The following HAUS6 variants were observed in gnomAD, a reference collection of about 807,000 sequenced individuals.
HAUS6 encodes HAUS augmin-like complex subunit 6.
Under a neutral mutation model 106.8 loss-of-function variants are expected in HAUS6, and 80 were observed. The ratio of observed to expected loss-of-function variants is 0.75; its 90% CI spans 0.63 to 0.90. The LOEUF (loss-of-function observed/expected upper bound fraction) is 0.90, where lower values mean the gene tolerates loss of function less well. Ranked by LOEUF, HAUS6 falls within the 40% of genes least tolerant of loss-of-function variation. The pLI is 0.00. For missense variants in HAUS6, 1,155 were observed against 1,118.1 expected (o/e 1.03, Z -0.47); for synonymous variants, 356 against 379.1 (o/e 0.94, Z 0.71).
rs1836459615 is a variant in HAUS6 at position 19,056,009 on chromosome 9, T to C, written c.*334A>G. ...AAAAACTATCCTTATATTAATTGAC[T>C]GAAGTTATAACATAAGAAATAAGTT... On this transcript the variant is annotated 3_prime_UTR_variant, in exon 17 of 17. Transcript: ENST00000380502. 4.4e-6 allele frequency: 1 copy of C among 225,466 alleles called. No individual in the cohort carries two copies. The highest frequency in any genetic ancestry group is 8.6e-6 in the Non-Finnish European group (1 of 115,802). The allele number at this position is 225,466 out of a possible 1,614,324, so 14.0% of individuals were successfully genotyped here. A position where few individuals can be genotyped will look rare whatever the true frequency, so the allele number is the denominator to read the frequency against.
At chr9:19,084,476 TATAC>T (rs1837240547) in intron 7 of HAUS6, among the ~76,000 whole-genome samples, 1 of 152,200 alleles carries the variant, frequency 6.6e-6, no homozygotes, top group Non-Finnish European at 1.5e-5. Context: ...TGTCAAGCTA[TATAC>T]TTATGAGTTA....
chr9:19,099,124 T>C (rs1384091845), intron 1 of HAUS6, among the ~76,000 whole-genome samples: 4 of 149,348 alleles, frequency 2.7e-5, no homozygotes, highest in African/African-American at 4.9e-5. Context: ...ACGTATAAAA[T>C]GTAAGTGAAT....
Position 19,058,123 on chromosome 9 carries a change from A to C in HAUS6, c.2644T>G (p.Leu882Val). 1 of 1,614,106 alleles carries C rather than the reference A, an allele frequency of 6.2e-7. No homozygotes were observed. The highest frequency in any genetic ancestry group is 1.3e-5 in the African/African-American group (1 of 75,044). ...NVQTDDTLNF[L>V]DTCDLHTEHI... ...TCAGTATGCAAATCACAGGTGTCCA[A>C]AAAGTTAAGCGTATCATCTGTTTGT... Residue 882 changes from leucine to valine, a missense_variant, in exon 16 of 17, where the codon TTG becomes GTG. By Grantham distance (32) the Leu-to-Val change is conservative. Around this residue, in one of 3 missense-constraint regions of HAUS6, gnomAD observed 380 missense variants for 394.8 expected, o/e 0.96. Transcript: ENST00000380502.
intron 10 of HAUS6, among the ~76,000 whole-genome samples, chr9:19,077,674 T>C (rs1215485212): frequency 5.3e-5 from 8 of 152,192 alleles, no homozygotes; most frequent in Admixed American, 5.2e-4. Flanking sequence ...ATAGAAACTT[T>C]AGACTCAAAT....
chr9:19,067,346 G>C (rs1481128323), intron 12 of HAUS6, among the ~76,000 whole-genome samples: 1 of 152,160 alleles, frequency 6.6e-6, no homozygotes, highest in Non-Finnish European at 1.5e-5. Context: ...GAAGAATTCT[G>C]AGCAGACTAC....
At chr9:19,065,876 G>C (rs1020072986) in intron 12 of HAUS6, among the ~76,000 whole-genome samples, 1 of 151,582 alleles carries the variant, frequency 6.6e-6, no homozygotes, top group African/African-American at 2.4e-5. Flanking sequence ...TTGTACTTTA[G>C]AATTCTGCAT....
At chr9:19,069,150 G>A (rs753326838) in intron 12 of HAUS6, among the ~76,000 whole-genome samples, 41 of 152,150 alleles carry the variant, frequency 2.7e-4, no homozygotes, top group Non-Finnish European at 4.7e-4. Flanking sequence ...ACTATAGGAT[G>A]TAGTCTGAAA....
intron 7 of HAUS6, among the ~76,000 whole-genome samples, chr9:19,084,635 CTTTTTTTTTTTTTTT>C (rs1837244618): frequency 7.2e-6 from 1 of 138,834 alleles, no homozygotes; most frequent in Admixed American, 7.2e-5. Context: ...TTTCTTTTTT[CTTTTTTTTTTTTTTT>C]GAAACAAGGT....
chr9:19,080,926 G>T (rs543770532), intron 8 of HAUS6, among the ~76,000 whole-genome samples: 12 of 152,134 alleles, frequency 7.9e-5, no homozygotes, highest in Non-Finnish European at 1.0e-4. Flanking sequence ...TACAAAATTA[G>T]CTGGGCGTGG....
At chr9:19,089,589 A>G (rs751226480) in intron 4 of HAUS6, 30 bp from the exon 5 acceptor site, 1 of 1,573,680 alleles carries the variant, frequency 6.4e-7, no homozygotes, top group Non-Finnish European at 8.7e-7. Flanking sequence ...GATTATAGAA[A>G]ACAGGCTGGT....
chr9:19,078,702 C>A (rs932431290), intron 9 of HAUS6, among the ~76,000 whole-genome samples: 3 of 151,800 alleles, frequency 2.0e-5, no homozygotes, highest in Admixed American at 2.0e-4. Context: ...GTAGGAGAAT[C>A]GCTTGAACCC....
chr9:19,086,337 G>T (rs1353353990), intron 7 of HAUS6, among the ~76,000 whole-genome samples: 2 of 150,654 alleles, frequency 1.3e-5, no homozygotes, highest in East Asian at 3.9e-4. Context: ...AAGGGGAAGG[G>T]AGGCTGGGCG....
rs765099690 is a variant in HAUS6, at chr9:19,063,569, A to G, written c.1388T>C (p.Phe463Ser). 1.2e-5 allele frequency: 19 copies of G among 1,605,294 alleles called. No individual in the cohort carries two copies. Among genetic ancestry groups the G allele is most frequent in the Non-Finnish European group, 1.6e-5 (19 of 1,172,052 alleles). Residue 463 changes from phenylalanine (F) to serine (S), a missense_variant, in exon 13 of 17, where the codon TTC (phenylalanine) becomes TCC (serine). Transcript: ENST00000380502. ...TGATGATGAAACTGACTGCGACAAG[A>G]AAGAGGCAGGGCTAAAAGGAAAAAA... ...LHDLANSPAS[F>S]LSQSVSSSDR...
rs760420158 is a variant in HAUS6 at position 19,080,510 on chromosome 9, T to C, written c.1033A>G (p.Lys345Glu). Reference protein sequence around the residue: ...HYLEKETKFQKERLSDLKHMR... With the variant: ...HYLEKETKFQEERLSDLKHMR... The stretch of plus-strand genomic sequence containing the variant: ...TGTTTCAGATCTGATAATCTTTCCT[T>C]CTGAAATTTGGTCTCTTTTTCAAGG... The change falls in exon 9 of 17, where the codon AAG (lysine) becomes GAG (glutamate). Residue 345 changes from lysine (K) to glutamate (E), a missense_variant. By Grantham distance (56) the Lys-to-Glu change is moderately conservative (BLOSUM62 1). Transcript: ENST00000380502. 3 of 1,608,326 alleles carry C rather than the reference T, an allele frequency of 1.9e-6. No individual in the cohort carries two copies. The highest frequency in any genetic ancestry group is 4.5e-4 in the Middle Eastern group (2 of 4,486).
At chr9:19,102,332 T>C (rs1196153697) in intron 1 of HAUS6, among the ~76,000 whole-genome samples, 192 bp downstream of exon 1, 1 of 152,198 alleles carries the variant, frequency 6.6e-6, no homozygotes, top group Non-Finnish European at 1.5e-5. Flanking sequence ...TCCGGCACTC[T>C]TGCATTATTT....
intron 9 of HAUS6, among the ~76,000 whole-genome samples, chr9:19,079,345 C>CCT (rs1423324762): frequency 6.6e-6 from 1 of 151,042 alleles, no homozygotes; most frequent in Admixed American, 6.6e-5. Context: ...GATTCTCCTG[C>CCT]CTCTGCCTAC....
chr9:19,102,816 C>G lies in HAUS6; in HGVS notation c.-165G>C. On this transcript the variant is annotated 5_prime_UTR_variant, in exon 1 of 17. Coordinates refer to ENST00000380502, the MANE Select transcript of HAUS6 (RefSeq NM_017645.5). ...AGCGATTTCGCCTCAAAGGGCCTCA[C>G]AACCTCCGGGAAATTGAGTTTCTAA... The G allele has an allele frequency of 3.2e-6, 2 of 622,430 alleles. No homozygotes were observed. The highest frequency in any genetic ancestry group is 5.4e-6 in the Non-Finnish European group (2 of 369,680). 38.6% of individuals were successfully genotyped at this position (622,430 alleles called of 1,614,324 possible).
At chr9:19,074,425 C>A (rs1836947017) in intron 11 of HAUS6, among the ~76,000 whole-genome samples, 1 of 152,024 alleles carries the variant, frequency 6.6e-6, no homozygotes, top group Non-Finnish European at 1.5e-5. Context: ...ACACACACCA[C>A]CAGGCCTGGC....
At chr9:19,075,492 C>T (rs749130323) in intron 11 of HAUS6, among the ~76,000 whole-genome samples, 1 of 152,144 alleles carries the variant, frequency 6.6e-6, no homozygotes, top group Non-Finnish European at 1.5e-5. Flanking sequence ...ACCTATAATC[C>T]CAGCACTTTG....
Sources: allele counts gnomAD v4.1 joint callset (sites outside exome capture counted in the v4.1 genomes callset), GRCh38; gene constraint gnomAD v4.1.1; regional missense constraint gnomAD v4.1.1; transcripts MANE v1.5; gene names NCBI Gene and HGNC (gene_info 2026-07-23, HGNC 2026-07-21).